The following ANPEP variants were observed in gnomAD, a reference collection of about 807,000 sequenced individuals.
ANPEP encodes aminopeptidase N.
A neutral mutation model predicts 114.6 loss-of-function variants in ANPEP; 70 were observed. The observed-to-expected ratio is 0.61, with a 90% CI of 0.50 to 0.75. ANPEP has a LOEUF of 0.75. ANPEP is among the 30% of genes least tolerant of loss of function. The pLI is 0.00. For synonymous variants in ANPEP, 548 were observed against 522.3 expected (o/e 1.05, Z -0.67); for missense variants, 1,184 against 1,259.5 (o/e 0.94, Z 0.91).
chr15:89,792,971 A>T, intron 16 of ANPEP, 64 bp downstream of exon 16: 1 of 1,364,582 alleles, frequency 7.3e-7, no homozygotes, highest in East Asian at 2.3e-5. Flanking sequence ...GAACACTGCC[A>T]GGATGTTGCT....
chr15:89,792,164 T>C lies in ANPEP; in HGVS notation c.2524A>G (p.Asn842Asp). ...LACSKELWIL[N>D]RYLSYTLNPD... The stretch of plus-strand genomic sequence containing the variant: ...CCACCCTGCGCCAAGACTCACCTGT[T>C]CAGGATCCACAACTCTTTGCTGCAG... Residue 842 changes from asparagine (N) to aspartate (D), a missense_variant, in exon 18 of 21, where the codon AAC becomes GAC. Physicochemically the swap from Asn to Asp is conservative, Grantham distance 23. Transcript: ENST00000300060. 2.5e-6 allele frequency: 4 copies of C among 1,613,914 alleles called. No homozygotes were observed. Among genetic ancestry groups the C allele is most frequent in the Non-Finnish European group, 3.4e-6 (4 of 1,179,892 alleles).
At chr15:89,785,584 A>C in intron 20 of ANPEP, 83 bp from the exon 21 acceptor site, 1 of 1,574,790 alleles carries the variant, frequency 6.4e-7, no homozygotes, top group Non-Finnish European at 8.6e-7. Flanking sequence ...CTGGCTTTCC[A>C]CTCCCACTTT....
In ANPEP at chr15:89,806,817, C is replaced by A; in HGVS notation, c.-223-11G>T. ...GGGCTCGGGGGGTGCCTGCTGGAAG[C>A]AAACAGTGTCTGGTTACAGGCTGCA... is the stretch of plus-strand genomic sequence containing the variant. On this transcript the variant is annotated splice_polypyrimidine_tract_variant and intron_variant, in intron 1 of 20. Transcript: ENST00000300060. This position sits in a 1 kb window ranked among gnomAD's most constrained non-coding sequence, Gnocchi z 5.7. 1 of 583,852 alleles carries A rather than the reference C, an allele frequency of 1.7e-6. No individual in the cohort carries two copies. Among genetic ancestry groups the A allele is most frequent in the Non-Finnish European group, 2.9e-6 (1 of 350,198 alleles). 36.2% of individuals were successfully genotyped at this position (583,852 alleles called of 1,614,324 possible).
At chr15:89,807,450 T>C (rs1435363594) in intron 1 of ANPEP, among the ~76,000 whole-genome samples, 1 of 152,124 alleles carries the variant, frequency 6.6e-6, no homozygotes, top group African/African-American at 2.4e-5. Context: ...CCTGTAATCC[T>C]AGCACTTTGG....
intron 1 of ANPEP, among the ~76,000 whole-genome samples, chr15:89,807,357 G>A (rs1351660129): frequency 1.3e-5 from 2 of 152,174 alleles, no homozygotes; most frequent in Non-Finnish European, 2.9e-5. Flanking sequence ...CAGGTTTGTT[G>A]AACAGATTTA....
chr15:89,794,831 TAC>T (rs1419294653), intron 15 of ANPEP, among the ~76,000 whole-genome samples: 1 of 151,718 alleles, frequency 6.6e-6, no homozygotes, highest in Non-Finnish European at 1.5e-5. Context: ...CATTGCACAA[TAC>T]AGAGGCTTAC....
chr15:89,813,994 G>GGGGC (rs202002276), intron 1 of ANPEP, among the ~76,000 whole-genome samples: 11 of 146,000 alleles, frequency 7.5e-5, no homozygotes, highest in African/African-American at 2.2e-4. Flanking sequence ...GCACTGCTGG[G>GGGGC]GGGGGGGGGT....
intron 17 of ANPEP, 23 bp downstream of exon 17, chr15:89,792,429 G>A (rs111907784): frequency 6.2e-7 from 1 of 1,613,450 alleles, no homozygotes; most frequent in Non-Finnish European, 8.5e-7. Flanking sequence ...GACTGGCAGA[G>A]GAGGCGCAGG....
At position 89,805,895 on chromosome 15, in the gene ANPEP, T is replaced by A. The variant is rs572131071; in HGVS notation, c.614+75A>T. On this transcript the variant is annotated intron_variant, in intron 2 of 20. Coordinates refer to ENST00000300060, the MANE Select transcript of ANPEP (RefSeq NM_001150.3). Reference sequence around the variant, plus strand: ...GTTCAAAGGCCTGCAAGCTAAGTCCTTCCTTGGCCCTCAGAATCCAGCCTT... The same window carrying A: ...GTTCAAAGGCCTGCAAGCTAAGTCCATCCTTGGCCCTCAGAATCCAGCCTT... The A allele has an allele frequency of 1.2e-5, 18 of 1,526,090 alleles. No individual in the cohort carries two copies. The East Asian group carries it at 3.6e-4, about 31-fold the overall frequency. 94.5% of individuals were successfully genotyped at this position (1,526,090 alleles called of 1,614,324 possible). A position where few individuals can be genotyped will look rare whatever the true frequency, so the allele number is the denominator to read the frequency against.
chr15:89,785,099 G>T lies in ANPEP; in HGVS notation c.*250C>A. 2.1e-6 allele frequency: 1 copy of T among 482,908 alleles called. No individual in the cohort carries two copies. Among genetic ancestry groups the T allele is most frequent in the Non-Finnish European group, 3.8e-6 (1 of 265,690 alleles). 29.9% of individuals were successfully genotyped at this position (482,908 alleles called of 1,614,324 possible). On this transcript the variant is annotated 3_prime_UTR_variant, in exon 21 of 21. Transcript: ENST00000300060. ...TCCCTGAGATCAGCCCCAGGGCACT[G>T]GGCGACAGGTGCCATGCCAGGCCTA... is the stretch of plus-strand genomic sequence containing the variant.
intron 15 of ANPEP, 172 bp downstream of exon 15, chr15:89,797,403 C>T: frequency 3.1e-6 from 3 of 963,806 alleles, no homozygotes; most frequent in Non-Finnish European, 4.4e-6. Context: ...CACCTGCGTG[C>T]TCTCAGGAGA....
At chr15:89,792,685 C>A (rs1968655597) in intron 16 of ANPEP, 123 bp from the exon 17 acceptor site, 1 of 817,560 alleles carries the variant, frequency 1.2e-6, no homozygotes, top group South Asian at 1.6e-5. Context: ...CCCTCTGACC[C>A]CCGCTGTATG....
At position 89,803,543 on chromosome 15, in the gene ANPEP, G is replaced by A. The variant is rs548828861; in HGVS notation, c.1438-36C>T. 1.9e-6 allele frequency: 3 copies of A among 1,605,194 alleles called. No individual in the cohort carries two copies. The highest frequency in any genetic ancestry group is 3.3e-5 in the Admixed American group (2 of 59,790). On this transcript the variant is annotated intron_variant, in intron 8 of 20. Coordinates refer to ENST00000300060, the MANE Select transcript of ANPEP (RefSeq NM_001150.3). The surrounding 1 kb of genome is among the most constrained non-coding windows in gnomAD (Gnocchi z 4.2). ...GGTGAGGGGGCGCTCAGAAGGCTGT[G>A]CAGAGCCACCAGGACCCTGTGCCCC...
rs746281500 is a variant in ANPEP at position 89,790,957 on chromosome 15, T to TAA, written c.2663_2664dup (p.Asn889LeufsTer18). ...ACACCCATTCCACAGACTCACTCGT[T>TAA]AAAAAGCTTCTTCCAGTTGCTCTGG... On this transcript the variant is annotated frameshift_variant, in exon 19 of 21. Coordinates refer to ENST00000300060, the MANE Select transcript of ANPEP (RefSeq NM_001150.3). LOFTEE classifies it high-confidence loss of function. The TAA allele has an allele frequency of 1.2e-6, 2 of 1,613,890 alleles. No homozygotes were observed. The highest frequency in any genetic ancestry group is 1.7e-6 in the Non-Finnish European group (2 of 1,179,946).
chr15:89,801,328 A>C (rs1894584934), intron 11 of ANPEP, 107 bp downstream of exon 11: 1 of 1,548,264 alleles, frequency 6.5e-7, no homozygotes, highest in Non-Finnish European at 8.9e-7. Flanking sequence ...GGGTCTGTCT[A>C]CAGTGGCTGG....
At chr15:89,805,614 C>G in intron 2 of ANPEP, 151 bp from the exon 3 acceptor site, 1 of 1,178,144 alleles carries the variant, frequency 8.5e-7, no homozygotes. Flanking sequence ...CGCCGGGAGC[C>G]TCCGGAGCCC....
In ANPEP at chr15:89,806,972, CTG is replaced by C. The variant is rs888480959; in HGVS notation, c.-223-168_-223-167del. 1 of 201,336 alleles carries C rather than the reference CTG, an allele frequency of 5.0e-6. No homozygotes were observed. Among genetic ancestry groups the C allele is most frequent in the Non-Finnish European group, 1.0e-5 (1 of 97,208 alleles). The allele number at this position is 201,336 out of a possible 1,614,324, so 12.5% of individuals were successfully genotyped here. ...TGAGAGGGTGGGAACAGCATCAGAA[CTG>C]AGGTTAGAGTCAGGGAAGGACTTCC... On this transcript the variant is annotated intron_variant, in intron 1 of 20. Coordinates refer to ENST00000300060, the MANE Select transcript of ANPEP (RefSeq NM_001150.3). This position sits in a 1 kb window ranked among gnomAD's most constrained non-coding sequence, Gnocchi z 5.7.
chr15:89,790,682 T>A (rs1968603733), intron 19 of ANPEP, 141 bp from the exon 20 acceptor site: 1 of 816,118 alleles, frequency 1.2e-6, no homozygotes, highest in Admixed American at 2.2e-5. Context: ...TGTGGGGGAG[T>A]CACAGCTTGA....
intron 14 of ANPEP, 138 bp from the exon 15 acceptor site, chr15:89,797,860 T>G: frequency 1.7e-6 from 2 of 1,207,450 alleles, no homozygotes. Flanking sequence ...AGGTCCCAGA[T>G]TCCCAACTGA....
Sources: allele counts gnomAD v4.1 joint callset (sites outside exome capture counted in the v4.1 genomes callset), GRCh38; gene constraint gnomAD v4.1.1; non-coding constraint Gnocchi (gnomAD v3.1); transcripts MANE v1.5; gene names NCBI Gene and HGNC (gene_info 2026-07-23, HGNC 2026-07-21).